KCNMA1: variants seen among roughly 807,000 people sequenced by gnomAD.
KCNMA1 encodes the protein Calcium-activated potassium channel subunit alpha-1.
KCNMA1 carries 29 observed loss-of-function variants against 140.0 expected under a neutral mutation model. The observed-to-expected ratio is 0.21, with a 90% CI of 0.15 to 0.28. The LOEUF (loss-of-function observed/expected upper bound fraction) is 0.28, where lower values mean the gene tolerates loss of function less well. Among genes scored for constraint, KCNMA1 ranks in the 10% least tolerant of loss-of-function variants. The probability of loss-of-function intolerance (pLI) is 1.00; values close to 1 mark genes in which losing one functional copy is unlikely to be tolerated. For synonymous variants in KCNMA1, 612 were observed against 611.9 expected (o/e 1.00, Z 0.00); for missense variants, 880 against 1,602.2 (o/e 0.55, Z 7.70).
chr10:77,571,069 G>C (rs2071089503), intron 1 of KCNMA1, among the ~76,000 whole-genome samples: 1 of 152,108 alleles, frequency 6.6e-6, no homozygotes, highest in Non-Finnish European at 1.5e-5. Context: ...ATTTCTGGAA[G>C]TCCTATTTGT....
chr10:77,636,791 G>C, intron 1 of KCNMA1: 1 of 1,453,880 alleles, frequency 6.9e-7, no homozygotes, highest in South Asian at 1.4e-5. Flanking sequence ...CTGACCCCAC[G>C]AACTCATCTC....
At chr10:76,882,706 C>T (rs1056025735), downstream of KCNMA1, among the ~76,000 whole-genome samples, 12 of 152,204 alleles carry the variant, frequency 7.9e-5, no homozygotes, top group Admixed American at 1.3e-4. Context: ...CCTCTGTGGC[C>T]CTTGGTCCAG....
In KCNMA1 at chr10:77,599,930, C is replaced by T. The variant is rs933224682; in HGVS notation, c.378+37335G>A. 7.2e-5 allele frequency among the ~76,000 whole-genome samples: 11 copies of T among 152,160 alleles called. No individual in the cohort carries two copies. In the South Asian group the frequency reaches 2.1e-3, roughly 29 times the overall value. ...AGCTCTCTGGGCCAATCTCCTTCAC[C>T]TCCATCCTGAACTCTCACTAGTCCT... On this transcript the variant is annotated intron_variant, in intron 1 of 27. Coordinates refer to ENST00000286628, the MANE Select transcript of KCNMA1 (RefSeq NM_001161352.2).
chr10:77,003,115 A>G (rs910651648), intron 18 of KCNMA1, among the ~76,000 whole-genome samples: 8 of 152,154 alleles, frequency 5.3e-5, no homozygotes, highest in African/African-American at 1.2e-4. Flanking sequence ...GGGTAACGTT[A>G]TGATTGTGAA....
At chr10:77,036,484 T>C (rs1162158996) in intron 15 of KCNMA1, among the ~76,000 whole-genome samples, 1 of 152,238 alleles carries the variant, frequency 6.6e-6, no homozygotes, top group Non-Finnish European at 1.5e-5. Flanking sequence ...AAAAAGCACA[T>C]TTATTTCTTT....
chr10:77,285,392 T>C (rs1402167147), intron 2 of KCNMA1, among the ~76,000 whole-genome samples: 1 of 152,208 alleles, frequency 6.6e-6, no homozygotes, highest in East Asian at 1.9e-4. Context: ...ATCCAAACTT[T>C]GAGAGAAAGA....
intron 3 of KCNMA1, among the ~76,000 whole-genome samples, chr10:77,220,048 C>T (rs1308296588): frequency 6.6e-6 from 1 of 152,180 alleles, no homozygotes; most frequent in African/African-American, 2.4e-5. Flanking sequence ...GAAGGGTGCC[C>T]TTCTAGCCCA....
At chr10:77,226,923 A>G (rs779227770) in intron 3 of KCNMA1, among the ~76,000 whole-genome samples, 13 of 152,208 alleles carry the variant, frequency 8.5e-5, no homozygotes, top group Admixed American at 3.9e-4. Context: ...TGCCTCCTTC[A>G]TTACAAAACA....
Position 77,090,521 on chromosome 10 carries a change from G to A in KCNMA1, c.1224-11C>T. 1 of 1,587,958 alleles carries A rather than the reference G, an allele frequency of 6.3e-7. No individual in the cohort carries two copies. Among genetic ancestry groups the A allele is most frequent in the East Asian group, 2.2e-5 (1 of 44,740 alleles). The stretch of plus-strand genomic sequence containing the variant: ...CAGACCACAATGTGCCTGAACAGGA[G>A]AGGCCAGTTAGATCAGGCCAGGCAC... On this transcript the variant is annotated splice_polypyrimidine_tract_variant and intron_variant, in intron 9 of 27. Coordinates refer to ENST00000286628, the MANE Select transcript of KCNMA1 (RefSeq NM_001161352.2).
At chr10:77,499,420 TATAC>T (rs1316254656) in intron 1 of KCNMA1, among the ~76,000 whole-genome samples, 1 of 142,720 alleles carries the variant, frequency 7.0e-6, no homozygotes, top group African/African-American at 2.8e-5. Context: ...TATATATATA[TATAC>T]ACACACACAC....
At chr10:77,487,978 C>G (rs1167921711) in intron 1 of KCNMA1, among the ~76,000 whole-genome samples, 1 of 152,194 alleles carries the variant, frequency 6.6e-6, no homozygotes, top group African/African-American at 2.4e-5. Flanking sequence ...CTTCATTCAG[C>G]CTTTATCATC....
At chr10:77,592,212 T>C (rs2079423759) in intron 1 of KCNMA1, among the ~76,000 whole-genome samples, 1 of 151,864 alleles carries the variant, frequency 6.6e-6, no homozygotes, top group Admixed American at 6.6e-5. Context: ...CACCAAAATA[T>C]ACAGACCGCC....
At chr10:77,045,297 G>GGCAGA (rs2094976928) in intron 14 of KCNMA1, among the ~76,000 whole-genome samples, 1 of 152,214 alleles carries the variant, frequency 6.6e-6, no homozygotes, top group Non-Finnish European at 1.5e-5. Context: ...ATCAGTCAAA[G>GGCAGA]GCAGAGCATT....
At chr10:77,006,861 A>G (rs2088929301) in intron 18 of KCNMA1, among the ~76,000 whole-genome samples, 1 of 152,224 alleles carries the variant, frequency 6.6e-6, no homozygotes, top group Non-Finnish European at 1.5e-5. Flanking sequence ...CGATGAAGAA[A>G]GCCACAGAGT....
chr10:77,522,140 ACTACTC>A (rs2053611077), intron 1 of KCNMA1, among the ~76,000 whole-genome samples: 1 of 151,660 alleles, frequency 6.6e-6, no homozygotes, highest in African/African-American at 2.4e-5. Context: ...ATGTCACTGC[ACTACTC>A]CAGCCTGGGT....
intron 23 of KCNMA1, among the ~76,000 whole-genome samples, chr10:76,936,645 T>C (rs942672300): frequency 2.6e-5 from 4 of 151,966 alleles, no homozygotes; most frequent in African/African-American, 9.7e-5. Context: ...GGAGGGGAAA[T>C]GTGTGTGAGG....
At chr10:77,072,034 C>A (rs903515429) in intron 14 of KCNMA1, among the ~76,000 whole-genome samples, 2 of 152,178 alleles carry the variant, frequency 1.3e-5, no homozygotes, top group African/African-American at 4.8e-5. Flanking sequence ...AATTAGGTAG[C>A]CACATGACAG....
chr10:77,100,951 A>G (rs1335882369), intron 9 of KCNMA1, among the ~76,000 whole-genome samples: 1 of 152,008 alleles, frequency 6.6e-6, no homozygotes, highest in Non-Finnish European at 1.5e-5. Context: ...CTACATTTCT[A>G]TTCTTGTTTT....
intron 13 of KCNMA1, among the ~76,000 whole-genome samples, chr10:77,074,308 A>G (rs1397087887): frequency 6.6e-6 from 1 of 152,222 alleles, no homozygotes; most frequent in East Asian, 1.9e-4. Context: ...TCCCCAGATC[A>G]AGGGAAATGA....
Sources: gnomAD v4.1 joint callset for allele counts (sites outside exome capture counted in the v4.1 genomes callset) on GRCh38, gnomAD v4.1.1 for gene constraint, MANE v1.5 for transcripts, NCBI Gene and HGNC (gene_info 2026-07-23, HGNC 2026-07-21) for gene names.